Variants in PCDHGA9 observed in about 807,000 individuals in gnomAD.
PCDHGA9 encodes protocadherin gamma subfamily A, 9, also known as protocadherin gamma-A9.
Under a neutral mutation model 62.5 loss-of-function variants are expected in PCDHGA9, and 37 were observed. The ratio of observed to expected loss-of-function variants is 0.59; its 90% CI spans 0.46 to 0.78. PCDHGA9 has a LOEUF of 0.78. Among genes scored for constraint, PCDHGA9 ranks in the 30% least tolerant of loss-of-function variants. The pLI is 0.00. For missense variants in PCDHGA9, 1,138 were observed against 1,166.2 expected, an observed-to-expected ratio of 0.98 and a Z score of 0.35; for synonymous variants, 459 against 484.6, an observed-to-expected ratio of 0.95 and a Z score of 0.69.
intron 1 of PCDHGA9, among the ~76,000 whole-genome samples, chr5:141,445,415 C>A (rs1235584061): frequency 6.6e-6 from 1 of 152,140 alleles, no homozygotes; most frequent in Non-Finnish European, 1.5e-5. Context: ...TAACTGTCTG[C>A]TATATGCAAG....
At chr5:141,429,924 A>T (rs2097252885) in intron 1 of PCDHGA9, among the ~76,000 whole-genome samples, 1 of 152,210 alleles carries the variant, frequency 6.6e-6, no homozygotes, top group Admixed American at 6.5e-5. Context: ...GTATTAATAG[A>T]ATTCTGGAGT....
chr5:141,449,425 G>T (rs1206395356), intron 1 of PCDHGA9, among the ~76,000 whole-genome samples: 2 of 151,688 alleles, frequency 1.3e-5, no homozygotes, highest in Non-Finnish European at 2.9e-5. Context: ...TGGCCAACAT[G>T]ATAAAACTCC....
intron 1 of PCDHGA9, among the ~76,000 whole-genome samples, chr5:141,483,618 C>T (rs1441906179): frequency 6.6e-6 from 1 of 151,536 alleles, no homozygotes; most frequent in Non-Finnish European, 1.5e-5. Flanking sequence ...TCCATCATTC[C>T]CATGGGAGAA....
intron 1 of PCDHGA9, among the ~76,000 whole-genome samples, chr5:141,472,992 A>G (rs2099309983): frequency 6.6e-6 from 1 of 151,994 alleles, no homozygotes; most frequent in South Asian, 2.1e-4. Context: ...AAAAAAAAAA[A>G]AAAAAGAAAG....
At chr5:141,492,382 T>C (rs71583650) in intron 1 of PCDHGA9, among the ~76,000 whole-genome samples, 2,103 of 152,322 alleles carry the variant, frequency 0.014, 36 homozygotes, top group African/African-American at 0.031. Flanking sequence ...ACAGGCCTGT[T>C]CCGGTCCACT....
rs148331367 is a variant in PCDHGA9 at position 141,435,055 on chromosome 5, A to C, written c.2424+29679A>C. ...TTTATTTTTTTCCCATTGACCATGC[A>C]GCAGTTTTGTGTAGACCGTCTGATA... On this transcript the variant is annotated intron_variant, in intron 1 of 3. Transcript: ENST00000573521. Among the ~76,000 whole-genome samples, 21 of 152,242 alleles carry C rather than the reference A, an allele frequency of 1.4e-4. No individual in the cohort carries two copies. The East Asian group carries it at 4.0e-3, about 29-fold the overall frequency.
At position 141,485,848 on chromosome 5, in the gene PCDHGA9, C is replaced by G. The variant is rs1416763615; in HGVS notation, c.2425-8959C>G. 1.9e-6 allele frequency: 3 copies of G among 1,614,076 alleles called. No individual in the cohort carries two copies. The highest frequency in any genetic ancestry group is 1.1e-5 in the South Asian group (1 of 91,084). On this transcript the variant is annotated intron_variant, in intron 1 of 3. Coordinates refer to ENST00000573521, the MANE Select transcript of PCDHGA9 (RefSeq NM_018921.3). This position sits in a 1 kb window ranked among gnomAD's most constrained non-coding sequence, Gnocchi z 5.7. The stretch of plus-strand genomic sequence containing the variant: ...GAGGGAACCCGCCGAGATCTGGCAC[C>G]GCAGAGCTCCGGGTATCCGTGCTGG...
chr5:141,433,208 C>CA, intron 1 of PCDHGA9: 1 of 1,293,080 alleles, frequency 7.7e-7, no homozygotes, highest in Non-Finnish European at 1.1e-6. Context: ...AATCTTCTTT[C>CA]TTTTTTTTTT....
rs776176122 is a variant in PCDHGA9, at chr5:141,408,982, T to C, written c.2424+3606T>C. 124 of 1,613,830 alleles carry C rather than the reference T, an allele frequency of 7.7e-5. 1 individual carries two copies. Among genetic ancestry groups the C allele is most frequent in the Admixed American group, 3.7e-4 (22 of 59,994 alleles). ...GTGAAAATCTGCCCCCTGGGTCCCC[T>C]GTGTTGCAAGTGACAGCCACTGACC... On this transcript the variant is annotated intron_variant, in intron 1 of 3. Transcript: ENST00000573521.
chr5:141,487,459 T>A lies in PCDHGA9; in HGVS notation c.2425-7348T>A. The A allele has an allele frequency of 1.2e-6, 2 of 1,614,102 alleles. No homozygotes were observed. Among genetic ancestry groups the A allele is most frequent in the Non-Finnish European group, 1.7e-6 (2 of 1,180,008 alleles). On this transcript the variant is annotated intron_variant, in intron 1 of 3. Transcript: ENST00000573521. The surrounding 1 kb of genome is among the most constrained non-coding windows in gnomAD (Gnocchi z 5.0). ...TAGGGTCAGATGACCCTATCAAGTT[T>A]GTTGATGTGGGAGGCCACTCTCATG...
In PCDHGA9 at chr5:141,415,239, T is replaced by G. The variant is rs781763142; in HGVS notation, c.2424+9863T>G. The G allele has an allele frequency of 8.1e-6, 13 of 1,614,068 alleles. No individual in the cohort carries two copies. The South Asian group carries it at 1.3e-4, about 16-fold the overall frequency. The stretch of plus-strand genomic sequence containing the variant: ...GCAGCTTCGAGTCTCCAGCTAACTC[T>G]GAAACCTCAGACCTCACTCTGTACC... On this transcript the variant is annotated intron_variant, in intron 1 of 3. Coordinates refer to ENST00000573521, the MANE Select transcript of PCDHGA9 (RefSeq NM_018921.3).
At position 141,511,481 on chromosome 5, in the gene PCDHGA9, ACTC is replaced by A. The variant is rs2154594681; in HGVS notation, c.*313_*315del. On this transcript the variant is annotated 3_prime_UTR_variant, in exon 4 of 4. Coordinates refer to ENST00000573521, the MANE Select transcript of PCDHGA9 (RefSeq NM_018921.3). ...CCACACCCCGTTTAGTTACAGCTGAACTCCTCCATCTTCCAAATCAATCAGGCC... is the reference window on the plus strand; with the variant it reads ...CCACACCCCGTTTAGTTACAGCTGAACTCCATCTTCCAAATCAATCAGGCC... 2 of 464,080 alleles carry A rather than the reference ACTC, an allele frequency of 4.3e-6. No individual in the cohort carries two copies. The highest frequency in any genetic ancestry group is 7.7e-6 in the Non-Finnish European group (2 of 260,856). The allele number at this position is 464,080 out of a possible 1,614,324, so 28.7% of individuals were successfully genotyped here.
At chr5:141,449,016 C>T (rs2098623330) in intron 1 of PCDHGA9, among the ~76,000 whole-genome samples, 1 of 152,008 alleles carries the variant, frequency 6.6e-6, no homozygotes, top group African/African-American at 2.4e-5. Context: ...TTAACAGTTG[C>T]TTAGCATTCC....
chr5:141,427,370 G>A (rs915167509), intron 1 of PCDHGA9: 17 of 457,836 alleles, frequency 3.7e-5, no homozygotes, highest in African/African-American at 2.4e-4. Flanking sequence ...AACCCTGGAC[G>A]GTGATCACTC....
chr5:141,423,609 A>G lies in PCDHGA9; in HGVS notation c.2424+18233A>G, dbSNP rs748925693. The G allele has an allele frequency of 5.0e-6, 8 of 1,611,572 alleles. No homozygotes were observed. The South Asian group carries it at 7.7e-5, about 16-fold the overall frequency. ...GTGAGAAAAGCGAGCCACTCTTGAT[A>G]GCTGAAGACTCAGCTATCATTTTAG... On this transcript the variant is annotated intron_variant, in intron 1 of 3. Transcript: ENST00000573521.
At chr5:141,449,588 CA>C (rs768743917) in intron 1 of PCDHGA9, among the ~76,000 whole-genome samples, 1,277 of 57,494 alleles carry the variant, frequency 0.022, 7 homozygotes, top group Middle Eastern at 0.041. Flanking sequence ...GACTCTGTCT[CA>C]AAAAAAAAAA....
At chr5:141,494,099 C>T (rs976610819) in intron 1 of PCDHGA9, among the ~76,000 whole-genome samples, 3 of 152,172 alleles carry the variant, frequency 2.0e-5, no homozygotes, top group South Asian at 2.1e-4. Context: ...CATTTTTCTC[C>T]GTCTCAGACA....
intron 1 of PCDHGA9, chr5:141,414,410 G>A (rs1216701146): frequency 1.2e-6 from 2 of 1,613,856 alleles, no homozygotes; most frequent in Non-Finnish European, 1.7e-6. Context: ...GTGATACACA[G>A]AGCCCTTGAC....
chr5:141,476,328 G>C lies in PCDHGA9; in HGVS notation c.2425-18479G>C, dbSNP rs1381722714. On this transcript the variant is annotated intron_variant, in intron 1 of 3. Coordinates refer to ENST00000573521, the MANE Select transcript of PCDHGA9 (RefSeq NM_018921.3). This position sits in a 1 kb window ranked among gnomAD's most constrained non-coding sequence, Gnocchi z 7.6. Reference sequence around the variant, plus strand: ...GCCCGCAGGTTCCGGGTGGTGTCTGGAGCTAGCCGAAGATTCTTTGAGGTG... The same window carrying C: ...GCCCGCAGGTTCCGGGTGGTGTCTGCAGCTAGCCGAAGATTCTTTGAGGTG... 1 of 1,614,176 alleles carries C rather than the reference G, an allele frequency of 6.2e-7. No individual in the cohort carries two copies. Among genetic ancestry groups the C allele is most frequent in the East Asian group, 2.2e-5 (1 of 44,864 alleles).
Sources: allele counts gnomAD v4.1 joint callset (sites outside exome capture counted in the v4.1 genomes callset), GRCh38; gene constraint gnomAD v4.1.1; non-coding constraint Gnocchi (gnomAD v3.1); transcripts MANE v1.5; gene names NCBI Gene and HGNC (gene_info 2026-07-23, HGNC 2026-07-21).